ZC3H12B: variants seen among roughly 807,000 people sequenced by gnomAD.
ZC3H12B encodes the protein probable ribonuclease ZC3H12B.
Under a neutral mutation model 43.9 loss-of-function variants are expected in ZC3H12B, and 7 were observed. The observed-to-expected ratio is 0.16, with a 90% confidence interval of 0.09 to 0.30. The LOEUF is 0.30. Ranked by LOEUF, ZC3H12B falls within the 10% of genes least tolerant of loss-of-function variation. The pLI is 1.00. For synonymous variants in ZC3H12B, 222 were observed against 241.7 expected, an observed-to-expected ratio of 0.92 and a Z score of 0.76; for missense variants, 475 against 670.2, an observed-to-expected ratio of 0.71 and a Z score of 3.22.
chrX:65,044,997 A>G, the ZC3H12B span, among the ~76,000 whole-genome samples: 7 of 110,600 alleles, frequency 6.3e-5, no homozygotes, highest in Admixed American at 1.9e-4. Flanking sequence ...TGTTTATACT[A>G]TACATCAGTC....
chrX:65,130,025 A>G, the ZC3H12B span, among the ~76,000 whole-genome samples: 4 of 111,924 alleles, frequency 3.6e-5, no homozygotes, highest in African/African-American at 1.3e-4. Flanking sequence ...TTAAAGGACT[A>G]AGAATTGGGA....
chrX:65,435,055 C>A (rs1466399730), intron 3 of ZC3H12B, among the ~76,000 whole-genome samples: 3 of 112,197 alleles, frequency 2.7e-5, no homozygotes, highest in Non-Finnish European at 5.6e-5. Context: ...TAACAGTAGA[C>A]AGCCTACAAG....
chrX:65,150,130 C>A, the ZC3H12B span, among the ~76,000 whole-genome samples: 1 of 110,632 alleles, frequency 9.0e-6, no homozygotes, highest in African/African-American at 3.3e-5. Flanking sequence ...TTTGTCATAT[C>A]TCTTTTCCCC....
chrX:65,382,860 C>G (rs2066463442), intron 2 of ZC3H12B, among the ~76,000 whole-genome samples: 1 of 111,059 alleles, frequency 9.0e-6, no homozygotes, highest in Admixed American at 9.6e-5. Context: ...ACAATTGCTT[C>G]CAAGAGAATA....
intron 2 of ZC3H12B, among the ~76,000 whole-genome samples, chrX:65,370,570 C>T (rs2066231331): frequency 8.9e-6 from 1 of 111,915 alleles, no homozygotes. Flanking sequence ...CTATTTGTTG[C>T]TCCAGCAAGA....
chrX:65,213,305 G>A, the ZC3H12B span, among the ~76,000 whole-genome samples: 1 of 110,095 alleles, frequency 9.1e-6, no homozygotes, highest in Non-Finnish European at 1.9e-5. Context: ...CTCCTTTAGT[G>A]ATGGGCACCT....
chrX:65,413,315 TA>T (rs1166920488), intron 3 of ZC3H12B, among the ~76,000 whole-genome samples: 3 of 112,022 alleles, frequency 2.7e-5, no homozygotes, highest in Non-Finnish European at 5.6e-5. Context: ...AGGTCTAATT[TA>T]TTTTTTTGTT....
chrX:65,054,316 T>C, the ZC3H12B span, among the ~76,000 whole-genome samples: 2 of 111,867 alleles, frequency 1.8e-5, no homozygotes, highest in African/African-American at 6.5e-5. Context: ...CAGTTTCAGC[T>C]TTCTACATAT....
chrX:65,069,193 T>C, the ZC3H12B span, among the ~76,000 whole-genome samples: 1 of 108,331 alleles, frequency 9.2e-6, no homozygotes, highest in South Asian at 4.1e-4. Context: ...TTCTCTGTTA[T>C]TATCGCTATG....
chrX:65,151,710 G>T, the ZC3H12B span, among the ~76,000 whole-genome samples: 1 of 111,309 alleles, frequency 9.0e-6, no homozygotes, highest in South Asian at 3.8e-4. Flanking sequence ...CAAAAAGAAG[G>T]AATCCTCCCT....
chrX:65,288,224 A>T, the ZC3H12B span, among the ~76,000 whole-genome samples: 2 of 111,057 alleles, frequency 1.8e-5, no homozygotes, highest in Non-Finnish European at 3.8e-5. Context: ...ATTCTACCAA[A>T]ATGTACAAAG....
At chrX:65,165,483 T>A in the ZC3H12B span, among the ~76,000 whole-genome samples, 1 of 111,846 alleles carries the variant, frequency 8.9e-6, no homozygotes, top group Non-Finnish European at 1.9e-5. Flanking sequence ...CCTGTGCCCA[T>A]GTGTTCTCAT....
chrX:65,086,665 AAAG>A, the ZC3H12B span, among the ~76,000 whole-genome samples: 1 of 112,082 alleles, frequency 8.9e-6, no homozygotes, highest in Admixed American at 9.4e-5. Flanking sequence ...GTTACTGAGA[AAAG>A]AAGGTTGTCT....
At chrX:65,301,484 A>C in the ZC3H12B span, among the ~76,000 whole-genome samples, 1 of 111,102 alleles carries the variant, frequency 9.0e-6, no homozygotes, top group Non-Finnish European at 1.9e-5. Context: ...ATATACACAT[A>C]CACGTATACA....
At chrX:65,126,710 GT>G in the ZC3H12B span, among the ~76,000 whole-genome samples, 13 of 102,144 alleles carry the variant, frequency 1.3e-4, no homozygotes, top group Middle Eastern at 5.3e-3. Context: ...TTTTTCTTTG[GT>G]TTGATGGATT....
chrX:65,445,949 G>A (rs1217029297), intron 3 of ZC3H12B, among the ~76,000 whole-genome samples: 1 of 111,757 alleles, frequency 8.9e-6, no homozygotes, highest in African/African-American at 3.3e-5. Context: ...CTAAGAATGT[G>A]CTGGGTCACA....
chrX:65,071,802 A>T, the ZC3H12B span, among the ~76,000 whole-genome samples: 1 of 111,661 alleles, frequency 9.0e-6, no homozygotes, highest in East Asian at 2.8e-4. Flanking sequence ...GGCTTGTAGG[A>T]TTCCTACTGA....
intron 3 of ZC3H12B, among the ~76,000 whole-genome samples, chrX:65,409,726 T>A (rs888934714): frequency 9.0e-6 from 1 of 111,050 alleles, no homozygotes; most frequent in African/African-American, 3.3e-5. Flanking sequence ...CCATTTACAA[T>A]AGCCACAAAT....
rs1023008225 is a variant in ZC3H12B at position 65,408,161 on chromosome X, G to A, written n.407+9457G>A. 9.5e-5 allele frequency: 114 copies of A among 1,200,762 alleles called. No individual in the cohort carries two copies. In the East Asian group the frequency reaches 3.4e-3, roughly 36 times the overall value. On this transcript the variant is annotated intron_variant and non_coding_transcript_variant, in intron 3 of 5. Coordinates refer to the ZC3H12B transcript ENST00000617377. ...CAAGTTCAGTATCGCGGAGTCCCTG[G>A]ACCGGATTAAAGAGGAATTCCAGTT...
Sources: allele counts gnomAD v4.1 joint callset (sites outside exome capture counted in the v4.1 genomes callset), GRCh38; gene constraint gnomAD v4.1.1; transcripts MANE v1.5; gene names NCBI Gene and HGNC (gene_info 2026-07-23, HGNC 2026-07-21).